Variants in RBBP5 observed in about 807,000 individuals in gnomAD.
RBBP5 encodes the protein RB binding protein 5, histone lysine methyltransferase complex subunit, also known as retinoblastoma-binding protein 5.
RBBP5 carries 5 observed loss-of-function variants against 72.2 expected under a neutral mutation model. The observed-to-expected ratio is 0.07, with a 90% confidence interval of 0.04 to 0.15. RBBP5 has a LOEUF of 0.15. Ranked by LOEUF, RBBP5 falls within the 10% of genes least tolerant of loss-of-function variation. RBBP5 has a pLI of 1.00. For synonymous variants in RBBP5, 209 were observed against 237.2 expected (o/e 0.88, Z 1.09); for missense variants, 322 against 652.2 (o/e 0.49, Z 5.51).
chr1:205,101,743 G>A (rs1251944337), intron 5 of RBBP5, 34 bp from the exon 6 acceptor site: 3 of 1,444,374 alleles, frequency 2.1e-6, no homozygotes, highest in Admixed American at 1.7e-5. Context: ...AAAAGTAAGT[G>A]TTCCAATAAC....
Position 205,121,963 on chromosome 1 carries a change from C to G in RBBP5, c.-90G>C. ...GCAACTTGCGTCTAAGTGGTGGACG[C>G]CGCGAAGAGACTGGCGCAAGCTCCG... On this transcript the variant is annotated 5_prime_UTR_variant, in exon 1 of 14. Transcript: ENST00000264515. The G allele has an allele frequency of 6.3e-7, 1 of 1,582,318 alleles. No individual in the cohort carries two copies. The highest frequency in any genetic ancestry group is 1.7e-4 in the Middle Eastern group (1 of 6,018).
chr1:205,121,953 G>A lies in RBBP5; in HGVS notation c.-80C>T, dbSNP rs1021994443. On this transcript the variant is annotated 5_prime_UTR_variant, in exon 1 of 14. Transcript: ENST00000264515. ...GCCGGCTTCAGCAACTTGCGTCTAA[G>A]TGGTGGACGCCGCGAAGAGACTGGC... The A allele has an allele frequency of 6.3e-7, 1 of 1,591,696 alleles. No homozygotes were observed. Among genetic ancestry groups the A allele is most frequent in the Non-Finnish European group, 8.5e-7 (1 of 1,171,690 alleles).
chr1:205,114,903 C>A lies in RBBP5; in HGVS notation c.104G>T (p.Trp35Leu). The stretch of plus-strand genomic sequence containing the variant: ...ACAGCCAACTGCAAGCAGTGTGCCC[C>A]ACCTGTTAAAGGTGCAAGTCAAAGC... The part of the protein sequence containing the change: ...SMALTCTFNR[W>L]GTLLAVGCND... The change falls in exon 3 of 14, where the codon TGG becomes TTG. Residue 35 changes from tryptophan (W) to leucine (L), a missense_variant. Physicochemically the swap from Trp to Leu is moderately conservative, Grantham distance 61 (BLOSUM62 -2). This residue lies in a region of RBBP5 where 20 missense variants were observed against 43.6 expected (regional missense o/e 0.46). Coordinates refer to ENST00000264515, the MANE Select transcript of RBBP5 (RefSeq NM_005057.4). 1 of 1,592,200 alleles carries A rather than the reference C, an allele frequency of 6.3e-7. No homozygotes were observed. The highest frequency in any genetic ancestry group is 1.3e-5 in the African/African-American group (1 of 74,676).
intron 12 of RBBP5, 59 bp from the exon 13 acceptor site, chr1:205,095,123 C>A: frequency 1.3e-6 from 2 of 1,511,182 alleles, no homozygotes; most frequent in South Asian, 1.2e-5. Context: ...TCACCCCAAC[C>A]ACAACTTTGT....
intron 2 of RBBP5, 59 bp from the exon 3 acceptor site, chr1:205,115,020 TC>T: frequency 1.4e-6 from 2 of 1,419,720 alleles, no homozygotes; most frequent in Non-Finnish European, 1.9e-6. Flanking sequence ...CCAAATTATT[TC>T]CTAAAGGTTC....
At chr1:205,106,550 A>T (rs1656072489) in intron 3 of RBBP5, among the ~76,000 whole-genome samples, 1 of 151,406 alleles carries the variant, frequency 6.6e-6, no homozygotes, top group South Asian at 2.1e-4. Context: ...GTGACCCAAG[A>T]TGGCGCCACT....
intron 3 of RBBP5, among the ~76,000 whole-genome samples, chr1:205,105,782 G>C (rs185693878): frequency 6.6e-6 from 1 of 152,326 alleles, no homozygotes; most frequent in Non-Finnish European, 1.5e-5. Context: ...CAACAACCTG[G>C]TAATGCCAGT....
intron 2 of RBBP5, 147 bp downstream of exon 2, chr1:205,115,711 A>C (rs1380185615): frequency 9.3e-7 from 1 of 1,073,770 alleles, no homozygotes; most frequent in Non-Finnish European, 1.2e-6. Context: ...TCAAAATTGT[A>C]CACTAGCTCC....
intron 2 of RBBP5, 149 bp downstream of exon 2, chr1:205,115,709 G>A (rs1656493239): frequency 5.7e-6 from 6 of 1,060,356 alleles, no homozygotes; most frequent in Middle Eastern, 3.4e-4. Flanking sequence ...GATCAAAATT[G>A]TACACTAGCT....
intron 3 of RBBP5, 94 bp downstream of exon 3, chr1:205,114,695 A>C (rs1040721221): frequency 9.3e-6 from 11 of 1,186,924 alleles, no homozygotes; most frequent in African/African-American, 1.6e-5. Context: ...AATATTTAAA[A>C]ATCTAAGTAT....
rs199735366 is a variant in RBBP5 at position 205,097,318 on chromosome 1, C to T, written c.1166+8G>A. 1.0e-3 allele frequency: 1,581 copies of T among 1,551,526 alleles called. 11 individuals are homozygous for T. The African/African-American group carries it at 0.019, about 19-fold the overall frequency. ...AGCCAAGGTGCCCAGCCTTCCGGGC[C>T]GGCTCACCTGCTACAGAAGGCAGCA... is the stretch of plus-strand genomic sequence containing the variant. On this transcript the variant is annotated splice_region_variant and intron_variant, in intron 11 of 13. Transcript: ENST00000264515.
At chr1:205,118,615 T>C (rs1656620356) in intron 1 of RBBP5, among the ~76,000 whole-genome samples, 1 of 151,018 alleles carries the variant, frequency 6.6e-6, no homozygotes, top group South Asian at 2.1e-4. Context: ...GAAGCAAGAC[T>C]CCCTCTAAAG....
Position 205,095,053 on chromosome 1 carries a change from G to T in RBBP5, c.1408C>A (p.Leu470Ile), listed in dbSNP as rs1655557759. 6.2e-7 allele frequency: 1 copy of T among 1,613,984 alleles called. No homozygotes were observed. The highest frequency in any genetic ancestry group is 1.3e-5 in the African/African-American group (1 of 74,886). The change falls in exon 13 of 14, where the codon CTA (leucine) becomes ATA (isoleucine). Residue 470 changes from leucine (L) to isoleucine (I), a missense_variant. Physicochemically the swap from Leu to Ile is conservative, Grantham distance 5. Transcript: ENST00000264515. The stretch of plus-strand genomic sequence containing the variant: ...TTGCCATCCCCCTTCACACCCAGTA[G>T]TGGATGGACTTCTGTAGGACAGACA... ...QGVPNDEVHPLLGVKGDGKSK... is the reference protein window; with the variant it reads ...QGVPNDEVHPILGVKGDGKSK...
intron 12 of RBBP5, among the ~76,000 whole-genome samples, chr1:205,095,862 T>C (rs892799279): frequency 7.2e-5 from 11 of 151,930 alleles, no homozygotes; most frequent in Non-Finnish European, 1.6e-4. Context: ...ATCAGGAAAA[T>C]AAGTAGTTGC....
At chr1:205,117,806 A>G (rs1656585107) in intron 1 of RBBP5, among the ~76,000 whole-genome samples, 1 of 152,128 alleles carries the variant, frequency 6.6e-6, no homozygotes, top group South Asian at 2.1e-4. Flanking sequence ...ACATATATAT[A>G]TATCCATATA....
intron 1 of RBBP5, among the ~76,000 whole-genome samples, chr1:205,121,033 T>C (rs932779725): frequency 1.3e-5 from 2 of 152,228 alleles, no homozygotes; most frequent in Admixed American, 1.3e-4. Context: ...TGTATCTTTG[T>C]AGCCCTTTTG....
chr1:205,101,194 T>G (rs1655807302), intron 6 of RBBP5, among the ~76,000 whole-genome samples: 1 of 152,248 alleles, frequency 6.6e-6, no homozygotes, highest in South Asian at 2.1e-4. Context: ...GTTGATATAT[T>G]CTACGACTTC....
At chr1:205,111,920 C>T (rs533324919) in intron 3 of RBBP5, among the ~76,000 whole-genome samples, 6 of 152,210 alleles carry the variant, frequency 3.9e-5, no homozygotes, top group South Asian at 2.1e-4. Context: ...ACCTGTAGTT[C>T]CCCATTGTAC....
Position 205,099,850 on chromosome 1 carries a change from G to T in RBBP5, c.907-38C>A. ...GAAGGAAAGAAAAACAGGTTGTTAA[G>T]AACAGATTTTAGATTTTTTGGATTA... On this transcript the variant is annotated intron_variant, in intron 8 of 13. Transcript: ENST00000264515. This position sits in a 1 kb window ranked among gnomAD's most constrained non-coding sequence, Gnocchi z 4.7. 1.2e-6 allele frequency: 2 copies of T among 1,613,456 alleles called. No homozygotes were observed. The highest frequency in any genetic ancestry group is 1.7e-6 in the Non-Finnish European group (2 of 1,179,518).
Sources: gnomAD v4.1 joint callset for allele counts (sites outside exome capture counted in the v4.1 genomes callset) on GRCh38, gnomAD v4.1.1 for gene constraint, gnomAD v4.1.1 regional missense constraint, Gnocchi (gnomAD v3.1) non-coding constraint, MANE v1.5 for transcripts, NCBI Gene and HGNC (gene_info 2026-07-23, HGNC 2026-07-21) for gene names.